Variants in MAML3 observed in about 807,000 individuals in gnomAD.
The protein encoded by MAML3 is mastermind-like protein 3.
A neutral mutation model predicts 101.9 loss-of-function variants in MAML3; 27 were observed. The observed-to-expected ratio is 0.27, with a 90% CI of 0.20 to 0.37. The LOEUF is 0.37. Among genes scored for constraint, MAML3 ranks in the 10% least tolerant of loss-of-function variants. The pLI, the probability that MAML3 is intolerant of heterozygous loss-of-function variation, is 1.00. For synonymous variants in MAML3, 501 were observed against 555.9 expected (o/e 0.90, Z 1.39); for missense variants, 1,316 against 1,444.9 (o/e 0.91, Z 1.45).
chr4:139,864,928 T>G (rs1164261619), intron 2 of MAML3, among the ~76,000 whole-genome samples: 1,337 of 131,180 alleles, frequency 0.01, 74 homozygotes, highest in Middle Eastern at 0.029. Flanking sequence ...ACTTGCTTTT[T>G]TTTTTTTTTT....
chr4:139,965,568 C>G (rs1311430340), intron 1 of MAML3, among the ~76,000 whole-genome samples: 3 of 152,158 alleles, frequency 2.0e-5, no homozygotes, highest in African/African-American at 4.8e-5. Context: ...AAAAGGACAA[C>G]AGAATGAGAA....
rs6836260 is a variant in MAML3, at chr4:139,836,025, G to T, written c.2079+53332C>A. Among the ~76,000 whole-genome samples, 232 of 152,322 alleles carry T rather than the reference G, an allele frequency of 1.5e-3. 1 individual carries two copies. The highest frequency in any genetic ancestry group is 0.014 in the Middle Eastern group (4 of 294). ...ACAGGGGGCCAATGGGACTGTGCAG[G>T]AGACAGCGGATGACACAGAACCTTA... On this transcript the variant is annotated intron_variant, in intron 2 of 4. Coordinates refer to ENST00000509479, the MANE Select transcript of MAML3 (RefSeq NM_018717.5).
chr4:139,828,349 C>T lies in MAML3; in HGVS notation c.2079+61008G>A, dbSNP rs147558771. On this transcript the variant is annotated intron_variant, in intron 2 of 4. Coordinates refer to ENST00000509479, the MANE Select transcript of MAML3 (RefSeq NM_018717.5). ...AAGTCAAACATGTCACCAAAGTTCA[C>T]TTTTCTTTTTAATGGTATTACTACA... Among the ~76,000 whole-genome samples the T allele has an allele frequency of 1.6e-4, 25 of 152,320 alleles. No individual in the cohort carries two copies. The East Asian group carries it at 4.6e-3, about 28-fold the overall frequency.
At chr4:139,903,277 A>G (rs11929821) in intron 1 of MAML3, among the ~76,000 whole-genome samples, 5,302 of 152,306 alleles carry the variant, frequency 0.035, 294 homozygotes, top group African/African-American at 0.12. Flanking sequence ...GTCCAGCTTC[A>G]GCAATGAATT....
chr4:139,933,358 C>T lies in MAML3; in HGVS notation c.469-42391G>A, dbSNP rs1733440378. Among the ~76,000 whole-genome samples, 3 of 152,230 alleles carry T rather than the reference C, an allele frequency of 2.0e-5. 1 individual carries two copies. Among genetic ancestry groups the T allele is most frequent in the South Asian group, 4.1e-4 (2 of 4,828 alleles). ...CTTTGTCCTTTGAGGTAAACTGGGG[C>T]GCTGTTGTTCCTTACTCTGTAACTT... On this transcript the variant is annotated intron_variant, in intron 1 of 4. Coordinates refer to ENST00000509479, the MANE Select transcript of MAML3 (RefSeq NM_018717.5).
intron 2 of MAML3, among the ~76,000 whole-genome samples, chr4:139,753,722 T>C (rs1161364547): frequency 2.0e-5 from 3 of 152,176 alleles, no homozygotes; most frequent in Non-Finnish European, 2.9e-5. Context: ...TGTTAAACTA[T>C]CAAAGCTTAG....
chr4:140,035,782 CAAA>C (rs377078289), intron 1 of MAML3, among the ~76,000 whole-genome samples: 2 of 124,594 alleles, frequency 1.6e-5, no homozygotes. Context: ...GACTCCGTCT[CAAA>C]AAAAAAAAAA....
chr4:139,851,621 A>T (rs1731553372), intron 2 of MAML3, among the ~76,000 whole-genome samples: 1 of 152,254 alleles, frequency 6.6e-6, no homozygotes, highest in African/African-American at 2.4e-5. Flanking sequence ...CATAAAGAAT[A>T]AAAGTAAGAT....
intron 1 of MAML3, among the ~76,000 whole-genome samples, chr4:139,968,031 C>A (rs1232265941): frequency 1.3e-5 from 2 of 150,892 alleles, no homozygotes; most frequent in African/African-American, 4.9e-5. Flanking sequence ...GTAATCCCAG[C>A]ACTTTGGGAG....
At chr4:140,104,390 A>ATATTATATATTATATTATAT (rs1728307530) in intron 1 of MAML3, among the ~76,000 whole-genome samples, 1 of 60,050 alleles carries the variant, frequency 1.7e-5, no homozygotes, top group Admixed American at 2.3e-4. Flanking sequence ...TATATATATT[A>ATATTATATATTATATTATAT]TATATTATAT....
At chr4:139,946,069 C>A (rs780362512) in intron 1 of MAML3, among the ~76,000 whole-genome samples, 1 of 152,172 alleles carries the variant, frequency 6.6e-6, no homozygotes, top group Non-Finnish European at 1.5e-5. Context: ...ATGGAAAATA[C>A]CAACAAACCT....
rs1159655181 is a variant in MAML3 at position 139,735,461 on chromosome 4, G to A, written c.2080-4794C>T. On this transcript the variant is annotated intron_variant, in intron 2 of 4. Coordinates refer to ENST00000509479, the MANE Select transcript of MAML3 (RefSeq NM_018717.5). The surrounding 1 kb of genome is among the most constrained non-coding windows in gnomAD (Gnocchi z 5.8). Reference sequence around the variant, plus strand: ...CTGGGAGTGGGGTAGGGGGGCAGTGGCGACCTCCGGGGGGGGAGGGTGGCG... The same window carrying A: ...CTGGGAGTGGGGTAGGGGGGCAGTGACGACCTCCGGGGGGGGAGGGTGGCG... 1.3e-5 allele frequency among the ~76,000 whole-genome samples: 2 copies of A among 150,828 alleles called. No homozygotes were observed. Among genetic ancestry groups the A allele is most frequent in the African/African-American group, 2.4e-5 (1 of 41,038 alleles).
chr4:140,037,514 T>C (rs1727005520), intron 1 of MAML3, among the ~76,000 whole-genome samples: 1 of 152,228 alleles, frequency 6.6e-6, no homozygotes, highest in Admixed American at 6.5e-5. Context: ...AAAAGGAATC[T>C]GAGTAATGCC....
intron 1 of MAML3, among the ~76,000 whole-genome samples, chr4:139,905,908 G>T (rs1732815628): frequency 6.6e-6 from 1 of 152,176 alleles, no homozygotes; most frequent in African/African-American, 2.4e-5. Flanking sequence ...AAACTGGGGA[G>T]TAGGACTTCA....
chr4:139,772,058 T>C (rs933878349), intron 2 of MAML3, among the ~76,000 whole-genome samples: 2 of 150,220 alleles, frequency 1.3e-5, no homozygotes, highest in Non-Finnish European at 3.0e-5. Flanking sequence ...GCTAACACGG[T>C]GAAACCCCCG....
intron 2 of MAML3, among the ~76,000 whole-genome samples, chr4:139,768,067 A>G (rs2111063237): frequency 6.6e-6 from 1 of 152,286 alleles, no homozygotes; most frequent in African/African-American, 2.4e-5. Flanking sequence ...CTTCTTTTGA[A>G]ATGTGCCTGT....
chr4:140,128,295 T>C (rs565536654), intron 1 of MAML3, among the ~76,000 whole-genome samples: 8 of 151,880 alleles, frequency 5.3e-5, no homozygotes, highest in African/African-American at 1.7e-4. Context: ...TTGAGAAGAG[T>C]TTAGATACAG....
intron 2 of MAML3, among the ~76,000 whole-genome samples, chr4:139,854,434 T>A (rs1012204588): frequency 2.7e-5 from 4 of 148,932 alleles, no homozygotes; most frequent in Non-Finnish European, 5.9e-5. Context: ...CCACATTCTA[T>A]GCTAATTGTG....
chr4:139,805,672 C>T (rs1266822572), intron 2 of MAML3, among the ~76,000 whole-genome samples: 1 of 152,098 alleles, frequency 6.6e-6, no homozygotes, highest in Admixed American at 6.5e-5. Context: ...TCTTCCCAGA[C>T]CATTCTATAG....
Sources: gnomAD v4.1 joint callset for allele counts (sites outside exome capture counted in the v4.1 genomes callset) on GRCh38, gnomAD v4.1.1 for gene constraint, Gnocchi (gnomAD v3.1) non-coding constraint, MANE v1.5 for transcripts, NCBI Gene and HGNC (gene_info 2026-07-23, HGNC 2026-07-21) for gene names.